Variants in RBMS3 observed in about 807,000 individuals in gnomAD.
RBMS3 encodes the protein RNA-binding motif, single-stranded-interacting protein 3.
RBMS3 carries 27 observed loss-of-function variants against 66.8 expected under a neutral mutation model. The ratio of observed to expected loss-of-function variants is 0.40; its 90% CI spans 0.30 to 0.56. RBMS3 has a LOEUF of 0.56. RBMS3 is among the 20% of genes least tolerant of loss of function. The pLI is 0.40. For synonymous variants in RBMS3, 188 were observed against 183.0 expected, an observed-to-expected ratio of 1.03 and a Z score of -0.22; for missense variants, 513 against 549.5, an observed-to-expected ratio of 0.93 and a Z score of 0.66.
At chr3:29,564,435 G>A (rs1018350537) in intron 3 of RBMS3, among the ~76,000 whole-genome samples, 4 of 150,710 alleles carry the variant, frequency 2.7e-5, no homozygotes, top group South Asian at 2.1e-4. Context: ...GCAGTGAGCC[G>A]AGATCGTGCT....
intron 1 of RBMS3, among the ~76,000 whole-genome samples, chr3:29,282,182 GCAACGGTGGGGGTAACT>G (rs1258086526): frequency 2.0e-5 from 3 of 152,088 alleles, no homozygotes; most frequent in Non-Finnish European, 4.4e-5. Context: ...GATAGGACGT[GCAACGGTGGGGGTAACT>G]CAAACTTTTA....
chr3:29,884,794 A>T (rs983230512), intron 8 of RBMS3, among the ~76,000 whole-genome samples: 2 of 151,890 alleles, frequency 1.3e-5, no homozygotes, highest in African/African-American at 4.8e-5. Flanking sequence ...TGTGACTTCT[A>T]AATATCTTTC....
At chr3:29,728,538 G>A (rs2053987434) in intron 4 of RBMS3, among the ~76,000 whole-genome samples, 1 of 152,128 alleles carries the variant, frequency 6.6e-6, no homozygotes, top group Non-Finnish European at 1.5e-5. Flanking sequence ...GTTAATATAA[G>A]AAATGAAGGC....
chr3:29,747,399 T>C (rs1251889964), intron 5 of RBMS3, among the ~76,000 whole-genome samples: 1 of 41,032 alleles, frequency 2.4e-5, no homozygotes, highest in South Asian at 7.1e-4. Flanking sequence ...GGTAGATAGA[T>C]AGATAGATAG....
intron 1 of RBMS3, among the ~76,000 whole-genome samples, chr3:29,370,715 G>T (rs1354687535): frequency 6.6e-6 from 1 of 152,150 alleles, no homozygotes; most frequent in Non-Finnish European, 1.5e-5. Context: ...GATTGCTTTG[G>T]TTTTCTAAAA....
At chr3:29,924,846 G>GAA (rs55859885) in intron 10 of RBMS3, 5 of 130,408 alleles carry the variant, frequency 3.8e-5, no homozygotes, top group Non-Finnish European at 5.0e-5. Flanking sequence ...AGGAAAAAAA[G>GAA]AAAAAAAAAA....
Position 29,692,913 on chromosome 3 carries a change from C to T in RBMS3, c.400-46807C>T, listed in dbSNP as rs544056381. On this transcript the variant is annotated intron_variant, in intron 4 of 14. Coordinates refer to ENST00000383767, the MANE Select transcript of RBMS3 (RefSeq NM_001003793.3). ...ATTTGCTTTAAAAATGTACATTGTG[C>T]TCATTTATGTTTTGGTACGGACAGA... Among the ~76,000 whole-genome samples the T allele has an allele frequency of 7.2e-5, 11 of 152,214 alleles. No individual in the cohort carries two copies. The South Asian group carries it at 2.1e-3, about 29-fold the overall frequency.
chr3:29,789,030 T>G (rs2056917945), intron 6 of RBMS3, among the ~76,000 whole-genome samples: 1 of 152,200 alleles, frequency 6.6e-6, no homozygotes, highest in South Asian at 2.1e-4. Flanking sequence ...ATACTTCCTG[T>G]TCTTGAACTC....
At chr3:29,798,448 A>G (rs2057285101) in intron 6 of RBMS3, among the ~76,000 whole-genome samples, 1 of 151,944 alleles carries the variant, frequency 6.6e-6, no homozygotes, top group African/African-American at 2.4e-5. Context: ...AAGGGGTGAC[A>G]AAGTGGCAGG....
At chr3:29,467,732 T>C (rs987401973) in intron 2 of RBMS3, among the ~76,000 whole-genome samples, 6 of 152,298 alleles carry the variant, frequency 3.9e-5, no homozygotes, top group African/African-American at 1.4e-4. Context: ...TCAAACAATT[T>C]TAGAGTAATC....
intron 1 of RBMS3, among the ~76,000 whole-genome samples, chr3:29,343,930 G>A (rs2125543059): frequency 6.6e-6 from 1 of 152,302 alleles, no homozygotes; most frequent in African/African-American, 2.4e-5. Context: ...ATAATGGACT[G>A]CAAACATAAA....
intron 6 of RBMS3, among the ~76,000 whole-genome samples, chr3:29,851,885 CA>C (rs1476241874): frequency 1.3e-5 from 2 of 152,108 alleles, no homozygotes; most frequent in East Asian, 3.8e-4. Flanking sequence ...CAATCCTAAG[CA>C]AAAAGAACAA....
At chr3:29,425,216 CAA>C (rs71091059) in intron 1 of RBMS3, among the ~76,000 whole-genome samples, 2 of 120,016 alleles carry the variant, frequency 1.7e-5, no homozygotes, top group Middle Eastern at 4.6e-3. Flanking sequence ...CCAAAAAAAA[CAA>C]AAAAAAAAAA....
intron 12 of RBMS3, among the ~76,000 whole-genome samples, chr3:29,949,467 A>G (rs1163471353): frequency 1.3e-5 from 2 of 151,842 alleles, no homozygotes; most frequent in East Asian, 1.9e-4. Flanking sequence ...TCTGTGTGCT[A>G]TAGTTTGCCT....
At chr3:29,802,865 A>G (rs1290136573) in intron 6 of RBMS3, among the ~76,000 whole-genome samples, 2 of 152,164 alleles carry the variant, frequency 1.3e-5, no homozygotes, top group African/African-American at 4.8e-5. Context: ...ATATTCATAC[A>G]TTTTATCCTT....
intron 3 of RBMS3, among the ~76,000 whole-genome samples, chr3:29,514,351 C>T (rs1182308482): frequency 6.6e-6 from 1 of 152,004 alleles, no homozygotes; most frequent in Non-Finnish European, 1.5e-5. Flanking sequence ...GTAGTCGCTC[C>T]TCTATCTCAA....
intron 8 of RBMS3, among the ~76,000 whole-genome samples, chr3:29,885,133 A>G (rs540284891): frequency 1.3e-5 from 2 of 151,872 alleles, no homozygotes; most frequent in Admixed American, 1.3e-4. Context: ...AACATCCAGT[A>G]AGTATCCCAG....
intron 6 of RBMS3, among the ~76,000 whole-genome samples, chr3:29,849,703 A>G (rs1490206968): frequency 6.6e-6 from 1 of 152,204 alleles, no homozygotes; most frequent in Non-Finnish European, 1.5e-5. Flanking sequence ...AAAATCAACA[A>G]ACATCAGTGA....
chr3:29,520,632 G>A (rs536854706), intron 3 of RBMS3, among the ~76,000 whole-genome samples: 12 of 152,278 alleles, frequency 7.9e-5, no homozygotes, highest in South Asian at 4.1e-4. Context: ...TAATAAACAC[G>A]TAGGGAGGGT....
Sources: allele counts gnomAD v4.1 joint callset (sites outside exome capture counted in the v4.1 genomes callset), GRCh38; gene constraint gnomAD v4.1.1; transcripts MANE v1.5; gene names NCBI Gene and HGNC (gene_info 2026-07-23, HGNC 2026-07-21).